Variants in NME7 observed in about 807,000 individuals in gnomAD.
NME7 encodes the protein nucleoside diphosphate kinase 7.
NME7 carries 41 observed loss-of-function variants against 49.1 expected under a neutral mutation model. The ratio of observed to expected loss-of-function variants is 0.83; its 90% CI spans 0.65 to 1.08. The LOEUF (loss-of-function observed/expected upper bound fraction) is 1.08, where lower values mean the gene tolerates loss of function less well. Among genes scored for constraint, NME7 ranks in the 50% least tolerant of loss-of-function variants. The pLI, the probability that NME7 is intolerant of heterozygous loss-of-function variation, is 0.00. For missense variants in NME7, 423 were observed against 463.4 expected (o/e 0.91, Z 0.80); for synonymous variants, 139 against 150.6 (o/e 0.92, Z 0.56).
At chr1:169,356,840 G>C (rs1322372308) in intron 1 of NME7, among the ~76,000 whole-genome samples, 2 of 152,132 alleles carry the variant, frequency 1.3e-5, no homozygotes, top group Non-Finnish European at 2.9e-5. Flanking sequence ...ATATGCATAA[G>C]TTTAATTTTG....
intron 7 of NME7, among the ~76,000 whole-genome samples, chr1:169,239,992 T>C (rs1029740428): frequency 6.6e-6 from 1 of 152,004 alleles, no homozygotes; most frequent in Admixed American, 6.6e-5. Context: ...TTTGGTCACA[T>C]AGACCCTTTA....
intron 7 of NME7, among the ~76,000 whole-genome samples, chr1:169,253,544 T>C (rs532430107): frequency 6.6e-6 from 1 of 152,144 alleles, no homozygotes; most frequent in Non-Finnish European, 1.5e-5. Context: ...CCTAATTGAA[T>C]ACCCTTTATT....
At position 169,253,129 on chromosome 1, in the gene NME7, T is replaced by C. The variant is rs565811848; in HGVS notation, c.755-15442A>G. 1.8e-4 allele frequency among the ~76,000 whole-genome samples: 27 copies of C among 152,256 alleles called. No individual in the cohort carries two copies. In the South Asian group the frequency reaches 4.4e-3, roughly 25 times the overall value. ...CATTGGTAGCTTGATGGGGATGGCA[T>C]TGATTCTATAAATTACCTTGGGCAG... On this transcript the variant is annotated intron_variant, in intron 7 of 11. Transcript: ENST00000367811.
At chr1:169,213,128 C>T (rs1660879087) in intron 10 of NME7, among the ~76,000 whole-genome samples, 7 of 152,246 alleles carry the variant, frequency 4.6e-5, no homozygotes, top group African/African-American at 2.4e-5. Flanking sequence ...GAGTTACAGT[C>T]ATGCTGGCCA....
chr1:169,171,323 C>A lies in NME7; in HGVS notation c.991-1769G>T, dbSNP rs559107165. On this transcript the variant is annotated intron_variant, in intron 10 of 11. Coordinates refer to ENST00000367811, the MANE Select transcript of NME7 (RefSeq NM_013330.5). ...TCGAGGCTGCAGTGAGCCAAAATGACACCACTGCACTCCAGCCTGGGTTGT... is the reference window on the plus strand; with the variant it reads ...TCGAGGCTGCAGTGAGCCAAAATGAAACCACTGCACTCCAGCCTGGGTTGT... 2.0e-5 allele frequency among the ~76,000 whole-genome samples: 3 copies of A among 151,932 alleles called. No individual in the cohort carries two copies. The East Asian group carries it at 5.9e-4, about 30-fold the overall frequency.
chr1:169,348,196 TCAGA>T (rs1185044384), intron 1 of NME7, among the ~76,000 whole-genome samples: 1 of 152,216 alleles, frequency 6.6e-6, no homozygotes, highest in Non-Finnish European at 1.5e-5. Context: ...GTAGTGATCA[TCAGA>T]CAGTCTATCT....
intron 1 of NME7, among the ~76,000 whole-genome samples, chr1:169,354,545 C>A (rs1268689359): frequency 6.6e-6 from 1 of 151,158 alleles, no homozygotes; most frequent in Non-Finnish European, 1.5e-5. Context: ...TTTGTTAACA[C>A]AAAGAATAAA....
intron 1 of NME7, among the ~76,000 whole-genome samples, chr1:169,340,303 C>T (rs1399440522): frequency 2.6e-5 from 4 of 152,204 alleles, no homozygotes; most frequent in Admixed American, 2.6e-4. Context: ...CACGTTCTCT[C>T]TCCTGCCGCC....
intron 7 of NME7, among the ~76,000 whole-genome samples, chr1:169,246,308 A>G (rs1443726153): frequency 6.6e-6 from 1 of 152,200 alleles, no homozygotes; most frequent in Non-Finnish European, 1.5e-5. Context: ...CGTGTCTCAA[A>G]AAAGTAAAAA....
At chr1:169,258,986 C>G (rs1375230758) in intron 7 of NME7, among the ~76,000 whole-genome samples, 1 of 133,722 alleles carries the variant, frequency 7.5e-6, no homozygotes, top group East Asian at 2.0e-4. Context: ...AGAACCATTA[C>G]TGCGAGTAAG....
chr1:169,313,446 A>G (rs74502424), intron 3 of NME7, among the ~76,000 whole-genome samples: 2,212 of 152,252 alleles, frequency 0.015, 58 homozygotes, highest in African/African-American at 0.05. Context: ...CACATCATCT[A>G]AGCAGTCTCA....
chr1:169,347,849 C>A (rs1045035209), intron 1 of NME7, among the ~76,000 whole-genome samples: 1 of 152,082 alleles, frequency 6.6e-6, no homozygotes, highest in Admixed American at 6.5e-5. Flanking sequence ...TATGTAGCAG[C>A]CCTGGTTGCA....
chr1:169,137,813 A>G (rs938913990), intron 11 of NME7, among the ~76,000 whole-genome samples: 1 of 152,252 alleles, frequency 6.6e-6, no homozygotes, highest in Non-Finnish European at 1.5e-5. Flanking sequence ...GGAAACATTC[A>G]AACCTTGATA....
chr1:169,163,499 G>C (rs1659307138), intron 11 of NME7, among the ~76,000 whole-genome samples: 1 of 152,092 alleles, frequency 6.6e-6, no homozygotes, highest in Non-Finnish European at 1.5e-5. Flanking sequence ...GATCCAGATT[G>C]AAAGAGACTA....
intron 4 of NME7, among the ~76,000 whole-genome samples, chr1:169,307,268 G>A (rs542758500): frequency 3.1e-4 from 47 of 152,262 alleles, no homozygotes; most frequent in Admixed American, 1.8e-3. Context: ...AAAAATGTGC[G>A]GGCAAAGATA....
chr1:169,163,837 G>A (rs556690231), intron 11 of NME7, among the ~76,000 whole-genome samples: 2 of 152,132 alleles, frequency 1.3e-5, no homozygotes, highest in African/African-American at 2.4e-5. Context: ...TTGGCCAGGC[G>A]TGGTAGCTTA....
At chr1:169,326,863 C>A (rs72702134) in intron 1 of NME7, among the ~76,000 whole-genome samples, 3 of 152,108 alleles carry the variant, frequency 2.0e-5, no homozygotes, top group African/African-American at 7.2e-5. Context: ...CCATCCAGAC[C>A]AAAGCCACCC....
At chr1:169,190,508 C>T in intron 10 of NME7, 1 of 270,876 alleles carries the variant, frequency 3.7e-6, no homozygotes, top group Non-Finnish European at 7.0e-6. Context: ...TGACTCTTTT[C>T]CATAATTTTT....
Position 169,235,102 on chromosome 1 carries a change from A to C in NME7, c.888+29T>G, listed in dbSNP as rs760700743. 7 of 1,305,416 alleles carry C rather than the reference A, an allele frequency of 5.4e-6. No individual in the cohort carries two copies. The South Asian group carries it at 6.7e-5, about 12-fold the overall frequency. 80.9% of individuals were successfully genotyped at this position (1,305,416 alleles called of 1,614,324 possible). On this transcript the variant is annotated intron_variant, in intron 9 of 11. Transcript: ENST00000367811. ...TCCTATACTTTTCACTTAACAGTAC[A>C]AATGTTTTACATTTACTTTTATACT...
Sources: allele counts gnomAD v4.1 joint callset (sites outside exome capture counted in the v4.1 genomes callset), GRCh38; gene constraint gnomAD v4.1.1; transcripts MANE v1.5; gene names NCBI Gene and HGNC (gene_info 2026-07-23, HGNC 2026-07-21).